SYNJ2: variants seen among roughly 807,000 people sequenced by gnomAD.
SYNJ2 encodes polyphosphatidylinositol phosphatase SYNJ2.
SYNJ2 carries 116 observed loss-of-function variants against 141.3 expected under a neutral mutation model. The observed-to-expected ratio is 0.82, with a 90% CI of 0.71 to 0.96. The LOEUF is 0.96. Among genes scored for constraint, SYNJ2 ranks in the 40% least tolerant of loss-of-function variants. The pLI, the probability that SYNJ2 is intolerant of heterozygous loss-of-function variation, is 0.00. For synonymous variants in SYNJ2, 745 were observed against 777.7 expected, an observed-to-expected ratio of 0.96 and a Z score of 0.70; for missense variants, 1,873 against 1,934.8, an observed-to-expected ratio of 0.97 and a Z score of 0.60.
rs531555858 is a variant in SYNJ2 at position 158,091,440 on chromosome 6, A to G, written c.3566-1486A>G. 4.0e-5 allele frequency among the ~76,000 whole-genome samples: 6 copies of G among 151,538 alleles called. No homozygotes were observed. In the South Asian group the frequency reaches 1.3e-3, roughly 32 times the overall value. On this transcript the variant is annotated intron_variant, in intron 25 of 26. Transcript: ENST00000355585. ...CAATACAATGGAATATTGTTCAGCC[A>G]TTAAAAAAAAAAAGAATGGGGCTGG...
chr6:158,088,521 A>G (rs1783226765), intron 23 of SYNJ2, 139 bp from the exon 24 acceptor site: 4 of 652,764 alleles, frequency 6.1e-6, no homozygotes, highest in Admixed American at 2.5e-5. Context: ...TGGGTGCCCT[A>G]AGTGCCGAGT....
At chr6:158,092,856 G>A (rs548755293) in intron 25 of SYNJ2, 70 bp from the exon 26 acceptor site, 7 of 1,417,754 alleles carry the variant, frequency 4.9e-6, no homozygotes, top group Admixed American at 2.3e-5. Context: ...GATGTAGACT[G>A]TCTAAGGACG....
intron 1 of SYNJ2, among the ~76,000 whole-genome samples, chr6:157,994,906 G>A (rs1382840260): frequency 6.6e-6 from 1 of 152,176 alleles, no homozygotes; most frequent in Non-Finnish European, 1.5e-5. Context: ...CTGGCCAGGA[G>A]CGCCCCTCCA....
In SYNJ2 at chr6:157,982,115, C is replaced by G; in HGVS notation, c.127+27C>G. The G allele has an allele frequency of 7.7e-7, 1 of 1,294,688 alleles. No individual in the cohort carries two copies. The highest frequency in any genetic ancestry group is 9.8e-7 in the Non-Finnish European group (1 of 1,020,690). 80.2% of individuals were successfully genotyped at this position (1,294,688 alleles called of 1,614,324 possible). A position where few individuals can be genotyped will look rare whatever the true frequency, so the allele number is the denominator to read the frequency against. The stretch of plus-strand genomic sequence containing the variant: ...TGAGTCCGGGCCGGGGGCAGCGACG[C>G]CCGGAGGAGAGGGCGCCCGCATTCG... On this transcript the variant is annotated intron_variant, in intron 1 of 26. Coordinates refer to ENST00000355585, the MANE Select transcript of SYNJ2 (RefSeq NM_003898.4). This position sits in a 1 kb window ranked among gnomAD's most constrained non-coding sequence, Gnocchi z 4.0.
intron 2 of SYNJ2, among the ~76,000 whole-genome samples, chr6:158,024,307 C>A (rs1205467357): frequency 6.6e-6 from 1 of 152,120 alleles, no homozygotes; most frequent in Non-Finnish European, 1.5e-5. Context: ...TGCCTGTAAT[C>A]CCGGCTACTC....
chr6:158,062,478 A>C (rs887938600), intron 8 of SYNJ2, among the ~76,000 whole-genome samples: 2 of 152,152 alleles, frequency 1.3e-5, no homozygotes, highest in African/African-American at 4.8e-5. Flanking sequence ...AAATGAACTA[A>C]TAAAGGGGAC....
At chr6:158,028,133 G>T (rs1779153673) in intron 2 of SYNJ2, 1 of 153,834 alleles carries the variant, frequency 6.5e-6, no homozygotes, top group African/African-American at 2.4e-5. Flanking sequence ...CAGCCGGCTG[G>T]GGTGTCTGCC....
chr6:158,017,546 C>T, intron 2 of SYNJ2: 1 of 492,734 alleles, frequency 2.0e-6, no homozygotes, highest in East Asian at 4.0e-5. Flanking sequence ...TCCTGAATAG[C>T]TGGGACTACA....
intron 5 of SYNJ2, among the ~76,000 whole-genome samples, chr6:158,047,463 A>G (rs1780301447): frequency 6.6e-6 from 1 of 152,094 alleles, no homozygotes; most frequent in African/African-American, 2.4e-5. Context: ...ATAGGGTTCT[A>G]GAGAGGATTA....
chr6:158,037,797 G>C (rs1176095880), intron 4 of SYNJ2, among the ~76,000 whole-genome samples: 1 of 152,174 alleles, frequency 6.6e-6, no homozygotes, highest in Admixed American at 6.5e-5. Flanking sequence ...ATGGTTTTTG[G>C]AAGGGACACA....
intron 13 of SYNJ2, 24 bp from the exon 14 acceptor site, chr6:158,069,509 G>A: frequency 6.2e-7 from 1 of 1,606,058 alleles, no homozygotes; most frequent in Non-Finnish European, 8.5e-7. Context: ...CCTGTAAACA[G>A]CATCCTTTCC....
At chr6:158,044,859 A>G (rs1780152152) in intron 5 of SYNJ2, among the ~76,000 whole-genome samples, 1 of 152,008 alleles carries the variant, frequency 6.6e-6, no homozygotes. Context: ...TTGAAACCTG[A>G]TTTTCTTTAA....
chr6:158,062,274 G>A (rs992258961), intron 8 of SYNJ2, 110 bp downstream of exon 8: 10 of 1,527,080 alleles, frequency 6.5e-6, no homozygotes, highest in African/African-American at 2.7e-5. Context: ...CAGAGGGGCC[G>A]TGCAGTCTAG....
chr6:158,077,536 T>TA (rs1290437784), intron 17 of SYNJ2: 3 of 151,166 alleles, frequency 2.0e-5, no homozygotes, highest in Admixed American at 1.3e-4. Context: ...CAAGACACAG[T>TA]AAAAATAAGT....
intron 1 of SYNJ2, among the ~76,000 whole-genome samples, chr6:158,006,242 C>T (rs760076939): frequency 2.6e-5 from 4 of 152,138 alleles, no homozygotes; most frequent in East Asian, 1.9e-4. Context: ...CACACACGCA[C>T]GATCCATGCA....
chr6:158,047,790 A>AAC (rs1780328641), intron 5 of SYNJ2, among the ~76,000 whole-genome samples: 2 of 147,082 alleles, frequency 1.4e-5, no homozygotes, highest in African/African-American at 5.1e-5. Context: ...AAAAAAAAAA[A>AAC]AAAAAAAAAA....
At chr6:158,008,863 TCCCCAGA>T (rs112729373) in intron 1 of SYNJ2, among the ~76,000 whole-genome samples, 42 of 152,274 alleles carry the variant, frequency 2.8e-4, no homozygotes, top group African/African-American at 9.1e-4. Context: ...GCCAGGATGA[TCCCCAGA>T]CCCCTGCAGT....
intron 1 of SYNJ2, among the ~76,000 whole-genome samples, chr6:157,983,227 T>C (rs1777078927): frequency 6.6e-6 from 1 of 152,258 alleles, no homozygotes; most frequent in South Asian, 2.1e-4. Flanking sequence ...TCCCTAATCA[T>C]TTCATTAACA....
rs762204129 is a variant in SYNJ2, at chr6:158,096,408, C to T, written c.*44C>T. ...TGCAGTCCTATAGAATGCATACCTT[C>T]CTCCCTCTAGACATCCCTCCACCAG... On this transcript the variant is annotated 3_prime_UTR_variant, in exon 27 of 27. Coordinates refer to ENST00000355585, the MANE Select transcript of SYNJ2 (RefSeq NM_003898.4). 5 of 1,526,398 alleles carry T rather than the reference C, an allele frequency of 3.3e-6. No individual in the cohort carries two copies. The highest frequency in any genetic ancestry group is 4.4e-6 in the Non-Finnish European group (5 of 1,143,408). The allele number at this position is 1,526,398 out of a possible 1,614,324, so 94.6% of individuals were successfully genotyped here. A position where few individuals can be genotyped will look rare whatever the true frequency, so the allele number is the denominator to read the frequency against.
Sources: allele counts gnomAD v4.1 joint callset (sites outside exome capture counted in the v4.1 genomes callset), GRCh38; gene constraint gnomAD v4.1.1; non-coding constraint Gnocchi (gnomAD v3.1); transcripts MANE v1.5; gene names NCBI Gene and HGNC (gene_info 2026-07-23, HGNC 2026-07-21).